The following ATXN7 variants were observed in gnomAD, a reference collection of about 807,000 sequenced individuals.
ATXN7 encodes the protein ataxin 7.
In ATXN7, 12 loss-of-function variants were observed where a neutral mutation model predicts 70.5. The observed-to-expected ratio is 0.17, with a 90% CI of 0.11 to 0.28. The LOEUF (loss-of-function observed/expected upper bound fraction) is 0.28, where lower values mean the gene tolerates loss of function less well. Among genes scored for constraint, ATXN7 ranks in the 10% least tolerant of loss-of-function variants. ATXN7 has a pLI of 1.00. For missense variants in ATXN7, 1,256 were observed against 1,131.7 expected (o/e 1.11, Z -1.58); for synonymous variants, 498 against 448.7 (o/e 1.11, Z -1.39).
intron 4 of ATXN7, among the ~76,000 whole-genome samples, chr3:63,944,504 C>T (rs922390292): frequency 1.3e-5 from 2 of 151,884 alleles, no homozygotes; most frequent in African/African-American, 4.8e-5. Flanking sequence ...AGGGATGATA[C>T]ATGTCCTGGG....
At chr3:63,896,404 TTAAC>T (rs1407877047) in intron 1 of ATXN7, among the ~76,000 whole-genome samples, 1 of 152,252 alleles carries the variant, frequency 6.6e-6, no homozygotes, top group Non-Finnish European at 1.5e-5. Flanking sequence ...TGATTTCTTT[TTAAC>T]TATTTCTCTT....
At chr3:63,867,281 G>A (rs185773412) in intron 1 of ATXN7, among the ~76,000 whole-genome samples, 1 of 152,282 alleles carries the variant, frequency 6.6e-6, no homozygotes, top group African/African-American at 2.4e-5. Flanking sequence ...AAAAAAATTA[G>A]AGACACATCT....
intron 5 of ATXN7, among the ~76,000 whole-genome samples, chr3:63,975,655 T>C (rs1420987838): frequency 2.0e-5 from 3 of 152,222 alleles, no homozygotes; most frequent in Non-Finnish European, 4.4e-5. Context: ...TACCTGGATG[T>C]TAATACTTAT....
At chr3:63,908,508 C>T (rs1410274192) in intron 2 of ATXN7, among the ~76,000 whole-genome samples, 1 of 152,180 alleles carries the variant, frequency 6.6e-6, no homozygotes, top group African/African-American at 2.4e-5. Context: ...GACTTCAGTC[C>T]TTTGGGGTTG....
At chr3:63,948,970 A>G (rs1040983002) in intron 4 of ATXN7, among the ~76,000 whole-genome samples, 1 of 152,218 alleles carries the variant, frequency 6.6e-6, no homozygotes, top group Non-Finnish European at 1.5e-5. Context: ...TGTATATTAC[A>G]AGTATATTTT....
At chr3:63,896,813 A>T (rs921586136) in intron 1 of ATXN7, among the ~76,000 whole-genome samples, 1 of 152,220 alleles carries the variant, frequency 6.6e-6, no homozygotes, top group Non-Finnish European at 1.5e-5. Flanking sequence ...CTAGTAAGTG[A>T]TGAATTCTTT....
intron 4 of ATXN7, among the ~76,000 whole-genome samples, chr3:63,934,204 C>G (rs910886577): frequency 8.5e-5 from 13 of 152,262 alleles, no homozygotes; most frequent in South Asian, 8.3e-4. Context: ...TACTTCTTGC[C>G]TGCTGGCAGC....
chr3:63,924,780 T>A (rs531868639), intron 4 of ATXN7, among the ~76,000 whole-genome samples: 11 of 151,982 alleles, frequency 7.2e-5, no homozygotes, highest in Admixed American at 2.0e-4. Context: ...AGAGGGCAAG[T>A]ATGGACAGCT....
intron 4 of ATXN7, among the ~76,000 whole-genome samples, chr3:63,918,580 T>G (rs1704379841): frequency 6.6e-6 from 1 of 152,228 alleles, no homozygotes; most frequent in African/African-American, 2.4e-5. Context: ...TGAATTATTT[T>G]GAAGCATATC....
intron 5 of ATXN7, chr3:63,967,767 C>T (rs2075250586): frequency 6.9e-7 from 1 of 1,456,798 alleles, no homozygotes; most frequent in Non-Finnish European, 9.1e-7. Context: ...CTGCCAGGAC[C>T]TTTGTAATTC....
chr3:63,889,927 AC>A (rs1357294892), intron 1 of ATXN7, among the ~76,000 whole-genome samples: 2 of 152,214 alleles, frequency 1.3e-5, no homozygotes, highest in East Asian at 1.9e-4. Flanking sequence ...TCCTCTACTT[AC>A]CAGCTTAACA....
At chr3:63,993,998 C>T (rs998921584) in intron 11 of ATXN7, among the ~76,000 whole-genome samples, 4 of 152,180 alleles carry the variant, frequency 2.6e-5, no homozygotes, top group Admixed American at 2.6e-4. Context: ...CCACCCTCCT[C>T]TATGAGTAGT....
chr3:63,903,146 G>C lies in ATXN7; in HGVS notation c.-12+4649G>C, dbSNP rs754094559. Among the ~76,000 whole-genome samples the C allele has an allele frequency of 2.0e-5, 3 of 152,092 alleles. No homozygotes were observed. The South Asian group carries it at 6.2e-4, about 32-fold the overall frequency. ...ACGGTGGCTCACGCCTGTAATTCCG[G>C]CACTTTGGGAGGCCGAGGCGGGAGG... On this transcript the variant is annotated intron_variant, in intron 2 of 12. Coordinates refer to ENST00000674280, the MANE Select transcript of ATXN7 (RefSeq NM_001377405.1).
At chr3:63,950,110 A>AG (rs1410935216) in intron 4 of ATXN7, among the ~76,000 whole-genome samples, 4 of 151,936 alleles carry the variant, frequency 2.6e-5, no homozygotes, top group Non-Finnish European at 5.9e-5. Context: ...GGTTCCTTAC[A>AG]GGATAACCCC....
Position 63,995,723 on chromosome 3 carries a change from C to T in ATXN7, c.1901C>T (p.Ala634Val), listed in dbSNP as rs138640161. 448 of 1,614,190 alleles carry T rather than the reference C, an allele frequency of 2.8e-4. No individual in the cohort carries two copies. Among genetic ancestry groups the T allele is most frequent in the Middle Eastern group, 1.3e-3 (8 of 6,062 alleles). Residue 634 changes from alanine to valine, a missense_variant, in exon 12 of 13, where the codon GCG becomes GTG. Transcript: ENST00000674280. Reference protein sequence around the residue: ...TLNAQPAASGAMDPVCSMQSR... With the variant: ...TLNAQPAASGVMDPVCSMQSR... ...AATGCACAGCCTGCTGCTTCAGGGGCGATGGATCCTGTGTGCAGTATGCAA... is the reference window on the plus strand; with the variant it reads ...AATGCACAGCCTGCTGCTTCAGGGGTGATGGATCCTGTGTGCAGTATGCAA...
At chr3:63,974,296 A>G (rs2075359108) in intron 5 of ATXN7, among the ~76,000 whole-genome samples, 1 of 152,188 alleles carries the variant, frequency 6.6e-6, no homozygotes, top group Non-Finnish European at 1.5e-5. Context: ...ATACCAAAAA[A>G]CTGTCATCGA....
chr3:63,882,056 C>G (rs1328740015), intron 1 of ATXN7, among the ~76,000 whole-genome samples: 1 of 152,218 alleles, frequency 6.6e-6, no homozygotes, highest in African/African-American at 2.4e-5. Flanking sequence ...TAATTTCATT[C>G]TGCTGCACCC....
chr3:63,967,362 G>A lies in ATXN7; in HGVS notation c.500-12553G>A, dbSNP rs534895370. 5.9e-5 allele frequency among the ~76,000 whole-genome samples: 9 copies of A among 152,228 alleles called. No homozygotes were observed. In the South Asian group the frequency reaches 1.7e-3, roughly 28 times the overall value. ...ATATTTTGTTACTAGATTTAGGAAGGAAAAGTATGCTTAGGAATAATAAAC... is the reference window on the plus strand; with the variant it reads ...ATATTTTGTTACTAGATTTAGGAAGAAAAAGTATGCTTAGGAATAATAAAC... On this transcript the variant is annotated intron_variant, in intron 5 of 12. Transcript: ENST00000674280.
chr3:63,962,953 T>C (rs2106696160), intron 5 of ATXN7, among the ~76,000 whole-genome samples: 1 of 150,660 alleles, frequency 6.6e-6, no homozygotes, highest in Middle Eastern at 3.4e-3. Context: ...TCTCACTCTC[T>C]TGCCCAGGCT....
Sources: gnomAD v4.1 joint callset for allele counts (sites outside exome capture counted in the v4.1 genomes callset) on GRCh38, gnomAD v4.1.1 for gene constraint, MANE v1.5 for transcripts, NCBI Gene and HGNC (gene_info 2026-07-23, HGNC 2026-07-21) for gene names.